The following INVS variants were observed in gnomAD, a reference collection of about 807,000 sequenced individuals.
The protein encoded by INVS is inversion of embryo turning homolog.
In INVS, 86 loss-of-function variants were observed where a neutral mutation model predicts 108.8. That is an observed-to-expected ratio of 0.79 (90% CI 0.66 to 0.95). INVS has a LOEUF of 0.95. Ranked by LOEUF, INVS falls within the 40% of genes least tolerant of loss-of-function variation. The probability of loss-of-function intolerance (pLI) is 0.00; values close to 1 mark genes in which losing one functional copy is unlikely to be tolerated. For synonymous variants in INVS, 455 were observed against 473.5 expected, an observed-to-expected ratio of 0.96 and a Z score of 0.51; for missense variants, 1,169 against 1,297.4, an observed-to-expected ratio of 0.90 and a Z score of 1.52.
At chr9:100,229,032 G>T (rs10760722) in intron 4 of INVS, among the ~76,000 whole-genome samples, 26,964 of 152,056 alleles carry the variant, frequency 0.18, 3,641 homozygotes, top group African/African-American at 0.38. Context: ...TTGCAGTTTG[G>T]TATGCAACAG....
In INVS at chr9:100,292,892, C is replaced by T; in HGVS notation, c.2635C>T (p.Pro879Ser). The change falls in exon 14 of 17, where the codon CCA (proline) becomes TCA (serine). Residue 879 changes from proline (P) to serine (S), a missense_variant. By Grantham distance (74) the Pro-to-Ser change is moderately conservative. Coordinates refer to ENST00000262457, the MANE Select transcript of INVS (RefSeq NM_014425.5). ...EDFQVSKETD[P>S]APGPLSGQSV... Reference sequence around the variant, plus strand: ...CTTTCAGGTATCTAAGGAGACTGATCCAGCACCTGGTCCCCTCTCTGGGCA... The same window carrying T: ...CTTTCAGGTATCTAAGGAGACTGATTCAGCACCTGGTCCCCTCTCTGGGCA... The T allele has an allele frequency of 1.9e-6, 3 of 1,614,172 alleles. No homozygotes were observed. The highest frequency in any genetic ancestry group is 4.5e-5 in the East Asian group (2 of 44,884).
intron 1 of INVS, among the ~76,000 whole-genome samples, chr9:100,100,373 A>G (rs1046414779): frequency 1.3e-5 from 2 of 150,850 alleles, no homozygotes; most frequent in East Asian, 3.9e-4. Context: ...ACAGAGCCCA[A>G]AGATAGTTGA....
At chr9:100,204,350 A>T (rs576863603) in intron 3 of INVS, among the ~76,000 whole-genome samples, 2 of 152,336 alleles carry the variant, frequency 1.3e-5, no homozygotes, top group East Asian at 1.9e-4. Flanking sequence ...AATTGCTATT[A>T]AAAAAGCATC....
chr9:100,282,886 G>T (rs907930193), intron 12 of INVS, among the ~76,000 whole-genome samples: 1 of 152,218 alleles, frequency 6.6e-6, no homozygotes, highest in African/African-American at 2.4e-5. Context: ...CAGAGGGCCA[G>T]CAACACCTGG....
intron 3 of INVS, among the ~76,000 whole-genome samples, chr9:100,210,735 ATACAGAGTAAT>A (rs1279071464): frequency 6.6e-6 from 1 of 152,180 alleles, no homozygotes; most frequent in Non-Finnish European, 1.5e-5. Context: ...ATGGAGTCTG[ATACAGAGTAAT>A]TACATCAAAA....
At chr9:100,124,914 C>G (rs1011621312) in intron 2 of INVS, among the ~76,000 whole-genome samples, 47 of 152,346 alleles carry the variant, frequency 3.1e-4, no homozygotes, top group African/African-American at 1.1e-3. Flanking sequence ...AATGAACATT[C>G]TCTTTCAATT....
chr9:100,229,028 T>C (rs1831427085), intron 4 of INVS, among the ~76,000 whole-genome samples: 1 of 152,226 alleles, frequency 6.6e-6, no homozygotes, highest in Admixed American at 6.5e-5. Flanking sequence ...ATTTTTGCAG[T>C]TTGGTATGCA....
At chr9:100,222,581 TA>T in intron 3 of INVS, among the ~76,000 whole-genome samples, 1 of 152,178 alleles carries the variant, frequency 6.6e-6, no homozygotes, top group Non-Finnish European at 1.5e-5. Flanking sequence ...CAGAATAATG[TA>T]AAGTGTAAAT....
At chr9:100,174,912 C>A (rs778033279) in intron 3 of INVS, among the ~76,000 whole-genome samples, 4 of 151,074 alleles carry the variant, frequency 2.6e-5, no homozygotes, top group Non-Finnish European at 5.9e-5. Flanking sequence ...ATGCTGTCTC[C>A]GAAAAAAAGA....
chr9:100,297,201 C>G, intron 15 of INVS, 55 bp downstream of exon 15: 1 of 1,328,692 alleles, frequency 7.5e-7, no homozygotes, highest in Admixed American at 1.8e-5. Flanking sequence ...AGTACCACAT[C>G]AGAATCTGAA....
chr9:100,118,996 G>C (rs1827642191), intron 2 of INVS, among the ~76,000 whole-genome samples: 1 of 152,194 alleles, frequency 6.6e-6, no homozygotes, highest in Non-Finnish European at 1.5e-5. Flanking sequence ...TTATCTATTG[G>C]TTTGCCTTTG....
chr9:100,177,119 T>C (rs1036022269), intron 3 of INVS, among the ~76,000 whole-genome samples: 1 of 152,090 alleles, frequency 6.6e-6, no homozygotes, highest in Non-Finnish European at 1.5e-5. Flanking sequence ...CCCACAATCT[T>C]TGCAACCCAC....
intron 10 of INVS, among the ~76,000 whole-genome samples, chr9:100,260,661 T>C (rs1180553950): frequency 1.3e-5 from 2 of 152,210 alleles, no homozygotes; most frequent in East Asian, 3.8e-4. Context: ...GTTACTATTA[T>C]TATTCTCATT....
chr9:100,143,049 G>A (rs1038781185), intron 3 of INVS, among the ~76,000 whole-genome samples: 3 of 152,202 alleles, frequency 2.0e-5, no homozygotes, highest in Non-Finnish European at 2.9e-5. Flanking sequence ...AATGGGGGCT[G>A]TCTGTGAAGC....
intron 3 of INVS, among the ~76,000 whole-genome samples, chr9:100,220,137 T>TA (rs200115709): frequency 6.3e-4 from 95 of 151,472 alleles, no homozygotes; most frequent in Non-Finnish European, 1.3e-3. Flanking sequence ...GCTTTTTTTT[T>TA]AAAAAAAGGA....
At chr9:100,192,074 C>T (rs1173340163) in intron 3 of INVS, among the ~76,000 whole-genome samples, 2 of 151,964 alleles carry the variant, frequency 1.3e-5, no homozygotes, top group African/African-American at 2.4e-5. Flanking sequence ...CAGGGTAGAC[C>T]GCAGCCCACC....
At chr9:100,161,364 CAAAAAAAAA>C (rs35392930) in intron 3 of INVS, among the ~76,000 whole-genome samples, 1 of 12,370 alleles carries the variant, frequency 8.1e-5, no homozygotes, top group South Asian at 2.6e-3. Context: ...ACTTCCATCT[CAAAAAAAAA>C]AAAAAAAAAA....
intron 3 of INVS, among the ~76,000 whole-genome samples, chr9:100,219,545 T>TA (rs1831082982): frequency 6.6e-6 from 1 of 152,192 alleles, no homozygotes; most frequent in Non-Finnish European, 1.5e-5. Flanking sequence ...ACTCATACAT[T>TA]ACTGTTATGA....
Position 100,157,267 on chromosome 9 carries a change from C to CTTTTTTTTTTTTTTTTTTTTT in INVS, c.273+30733_273+30734insTTTTTTTTTTTTTTTTTTTTT, listed in dbSNP as rs770493291. On this transcript the variant is annotated intron_variant, in intron 3 of 16. Coordinates refer to ENST00000262457, the MANE Select transcript of INVS (RefSeq NM_014425.5). Reference sequence around the variant, plus strand: ...GAAATAGTAAAAATTTCTTTTTTTTCTTTTTTTTTTTTTTTGAGGCAGAGT... The same window carrying CTTTTTTTTTTTTTTTTTTTTT: ...GAAATAGTAAAAATTTCTTTTTTTTCTTTTTTTTTTTTTTTTTTTTTTTTTTTTTTTTTTTTGAGGCAGAGT... Among the ~76,000 whole-genome samples the CTTTTTTTTTTTTTTTTTTTTT allele has an allele frequency of 1.2e-4, 16 of 130,098 alleles. 1 individual carries two copies. Among genetic ancestry groups the CTTTTTTTTTTTTTTTTTTTTT allele is most frequent in the African/African-American group, 4.6e-4 (14 of 30,464 alleles). 85.3% of individuals were successfully genotyped at this position (130,098 alleles called of 152,430 possible).
Sources: gnomAD v4.1 joint callset for allele counts (sites outside exome capture counted in the v4.1 genomes callset) on GRCh38, gnomAD v4.1.1 for gene constraint, MANE v1.5 for transcripts, NCBI Gene and HGNC (gene_info 2026-07-23, HGNC 2026-07-21) for gene names.